KIF18A: variants seen among roughly 807,000 people sequenced by gnomAD.
The protein encoded by KIF18A is kinesin family member 18A.
A neutral mutation model predicts 103.3 loss-of-function variants in KIF18A; 67 were observed. The ratio of observed to expected loss-of-function variants is 0.65; its 90% CI spans 0.53 to 0.79. KIF18A has a LOEUF of 0.79. Ranked by LOEUF, KIF18A falls within the 30% of genes least tolerant of loss-of-function variation. The probability of loss-of-function intolerance (pLI) is 0.00; values close to 1 mark genes in which losing one functional copy is unlikely to be tolerated. For missense variants in KIF18A, 1,032 were observed against 1,062.5 expected (o/e 0.97, Z 0.40); for synonymous variants, 367 against 355.5 (o/e 1.03, Z -0.36).
chr11:28,083,814 CA>C (rs1382260591), intron 7 of KIF18A, among the ~76,000 whole-genome samples: 1 of 152,054 alleles, frequency 6.6e-6, no homozygotes, highest in Non-Finnish European at 1.5e-5. Flanking sequence ...TCATGTGTTA[CA>C]AACCTTTCTG....
At chr11:28,041,286 G>A (rs11030194) in intron 13 of KIF18A, among the ~76,000 whole-genome samples, 21,557 of 151,766 alleles carry the variant, frequency 0.14, 1,716 homozygotes, top group East Asian at 0.28. Flanking sequence ...TGGGAGATAG[G>A]ATGTTTTAAC....
chr11:28,059,177 G>A lies in KIF18A; in HGVS notation c.1713-16C>T. ...ATTCAATACTCTATATACAGAAGAT[G>A]AGAAGAAAGGAGAGATAAATATGAC... On this transcript the variant is annotated splice_polypyrimidine_tract_variant and intron_variant, in intron 12 of 16. Transcript: ENST00000263181. 3 of 1,508,692 alleles carry A rather than the reference G, an allele frequency of 2.0e-6. No homozygotes were observed. The highest frequency in any genetic ancestry group is 2.3e-5 in the East Asian group (1 of 44,314). 93.5% of individuals were successfully genotyped at this position (1,508,692 alleles called of 1,614,324 possible).
At chr11:28,083,520 T>C (rs1354072751) in intron 7 of KIF18A, among the ~76,000 whole-genome samples, 4 of 152,128 alleles carry the variant, frequency 2.6e-5, no homozygotes, top group Non-Finnish European at 5.9e-5. Context: ...GACTTCTAAG[T>C]AATGCAGAGA....
chr11:28,087,403 T>C (rs558082575), intron 6 of KIF18A, among the ~76,000 whole-genome samples: 2 of 152,228 alleles, frequency 1.3e-5, no homozygotes, highest in African/African-American at 4.8e-5. Context: ...CATGTGCCTG[T>C]AAAGGACATG....
intron 13 of KIF18A, among the ~76,000 whole-genome samples, chr11:28,057,083 G>A (rs187183410): frequency 9.2e-5 from 14 of 151,948 alleles, no homozygotes; most frequent in Non-Finnish European, 1.5e-4. Flanking sequence ...GATACGAAGT[G>A]CCAAGTAAAA....
At chr11:28,091,382 C>G in intron 4 of KIF18A, 27 bp downstream of exon 4, 5 of 1,212,696 alleles carry the variant, frequency 4.1e-6, no homozygotes, top group Non-Finnish European at 6.0e-6. Flanking sequence ...GCTATTCTAA[C>G]AGGGAAAAAG....
At chr11:28,044,887 A>C (rs1279936359) in intron 13 of KIF18A, among the ~76,000 whole-genome samples, 1 of 152,116 alleles carries the variant, frequency 6.6e-6, no homozygotes, top group African/African-American at 2.4e-5. Flanking sequence ...TAATAAAACC[A>C]CAGCTAAAAA....
chr11:28,030,337 A>G (rs1850378705), intron 15 of KIF18A, among the ~76,000 whole-genome samples: 1 of 152,006 alleles, frequency 6.6e-6, no homozygotes, highest in South Asian at 2.1e-4. Flanking sequence ...ACAGAGATAT[A>G]GACCAATGGA....
intron 13 of KIF18A, among the ~76,000 whole-genome samples, chr11:28,056,160 T>TG (rs1274177152): frequency 1.7e-5 from 2 of 118,084 alleles, no homozygotes; most frequent in East Asian, 4.3e-4. Flanking sequence ...AAACCATCCA[T>TG]GTTTTTTTTT....
intron 9 of KIF18A, among the ~76,000 whole-genome samples, chr11:28,077,413 T>TC (rs755079240): frequency 6.6e-6 from 1 of 152,234 alleles, no homozygotes; most frequent in Non-Finnish European, 1.5e-5. Context: ...TGCTGAAAGA[T>TC]ATGGGCATCA....
At chr11:28,032,266 C>A (rs1240414140) in intron 15 of KIF18A, among the ~76,000 whole-genome samples, 1 of 151,772 alleles carries the variant, frequency 6.6e-6, no homozygotes, top group Non-Finnish European at 1.5e-5. Flanking sequence ...TTGGAAGAAT[C>A]AATATTGTTA....
intron 1 of KIF18A, 142 bp from the exon 2 acceptor site, chr11:28,098,135 A>T: frequency 1.9e-6 from 1 of 527,798 alleles, no homozygotes; most frequent in Non-Finnish European, 3.3e-6. Flanking sequence ...ATACATACAT[A>T]CGTAGGCACA....
intron 15 of KIF18A, among the ~76,000 whole-genome samples, chr11:28,028,207 AC>A (rs1850346028): frequency 6.6e-6 from 1 of 151,958 alleles, no homozygotes; most frequent in East Asian, 1.9e-4. Flanking sequence ...CTCTCCACCC[AC>A]AATCAACAGA....
intron 3 of KIF18A, among the ~76,000 whole-genome samples, chr11:28,094,028 G>T (rs753067696): frequency 2.0e-5 from 3 of 152,140 alleles, no homozygotes; most frequent in Non-Finnish European, 4.4e-5. Flanking sequence ...CTTTTTTGAT[G>T]CAGTAAGAAG....
intron 1 of KIF18A, among the ~76,000 whole-genome samples, chr11:28,098,325 A>G (rs1454957280): frequency 1.3e-5 from 2 of 152,212 alleles, no homozygotes; most frequent in African/African-American, 4.8e-5. Flanking sequence ...ATAATCACAG[A>G]TATGCTATCC....
At chr11:28,049,871 T>C (rs1468457687) in intron 13 of KIF18A, among the ~76,000 whole-genome samples, 2 of 151,798 alleles carry the variant, frequency 1.3e-5, no homozygotes, top group African/African-American at 4.8e-5. Context: ...ATTTTAACTA[T>C]TTATAAGATA....
At chr11:28,100,561 AG>A (rs148793396) in intron 1 of KIF18A, among the ~76,000 whole-genome samples, 10 of 135,424 alleles carry the variant, frequency 7.4e-5, no homozygotes, top group East Asian at 2.3e-4. Flanking sequence ...GTGTGAGTGA[AG>A]GGGGGGGGTG....
At chr11:28,048,533 A>C (rs1850668678) in intron 13 of KIF18A, among the ~76,000 whole-genome samples, 2 of 152,144 alleles carry the variant, frequency 1.3e-5, no homozygotes, top group South Asian at 2.1e-4. Context: ...GTTTTAAAAA[A>C]GCAAACCACA....
intron 1 of KIF18A, among the ~76,000 whole-genome samples, chr11:28,104,237 C>T (rs893496498): frequency 3.3e-5 from 5 of 152,096 alleles, no homozygotes; most frequent in Non-Finnish European, 7.4e-5. Context: ...ATGTCATTTA[C>T]CTGCTCCAAA....
Sources: gnomAD v4.1 joint callset for allele counts (sites outside exome capture counted in the v4.1 genomes callset) on GRCh38, gnomAD v4.1.1 for gene constraint, MANE v1.5 for transcripts, NCBI Gene and HGNC (gene_info 2026-07-23, HGNC 2026-07-21) for gene names.